Variants in SCHIP1 observed in about 807,000 individuals in gnomAD.
SCHIP1 encodes the protein schwannomin-interacting protein 1.
In SCHIP1, 8 loss-of-function variants were observed where a neutral mutation model predicts 29.7. The observed-to-expected ratio is 0.27, with a 90% CI of 0.16 to 0.49. The LOEUF (loss-of-function observed/expected upper bound fraction) is 0.49. Ranked by LOEUF, SCHIP1 falls within the 20% of genes least tolerant of loss-of-function variation. The pLI is 0.99. For synonymous variants in SCHIP1, 76 were observed against 94.9 expected (o/e 0.80, Z 1.16); for missense variants, 193 against 294.6 (o/e 0.66, Z 2.52).
chr3:159,888,091 A>G, intron 4 of SCHIP1, 186 bp downstream of exon 5: 1 of 814,956 alleles, frequency 1.2e-6, no homozygotes. Flanking sequence ...AAAATACAGA[A>G]GCAATAGATT....
At chr3:159,732,832 A>G in the SCHIP1 span, among the ~76,000 whole-genome samples, 40 of 152,370 alleles carry the variant, frequency 2.6e-4, no homozygotes, top group African/African-American at 8.9e-4. Flanking sequence ...AAGGCTTTCC[A>G]GGAGCTGGAG....
the SCHIP1 span, among the ~76,000 whole-genome samples, chr3:159,356,353 T>C: frequency 6.6e-6 from 1 of 152,204 alleles, no homozygotes; most frequent in Non-Finnish European, 1.5e-5. Context: ...GCCATGCCTA[T>C]CTGTCTTCTT....
the SCHIP1 span, among the ~76,000 whole-genome samples, chr3:159,320,613 T>A: frequency 2.0e-5 from 3 of 152,146 alleles, no homozygotes; most frequent in Non-Finnish European, 4.4e-5. Flanking sequence ...GTTCCTTTTT[T>A]TTTTCCCCCT....
the SCHIP1 span, among the ~76,000 whole-genome samples, chr3:159,639,316 G>T: frequency 6.6e-6 from 1 of 151,864 alleles, no homozygotes; most frequent in South Asian, 2.1e-4. Context: ...CCTTTTTCAC[G>T]TGCATGTGAG....
chr3:159,562,472 T>A, the SCHIP1 span, among the ~76,000 whole-genome samples: 1 of 152,184 alleles, frequency 6.6e-6, no homozygotes, highest in Non-Finnish European at 1.5e-5. Context: ...ACCTATCAGC[T>A]GAGTGTAGAA....
the SCHIP1 span, among the ~76,000 whole-genome samples, chr3:159,420,098 G>T: frequency 2.6e-5 from 4 of 152,182 alleles, no homozygotes. Context: ...GCCCTTGAGG[G>T]TCTTAAATAT....
At chr3:159,424,601 A>G in the SCHIP1 span, among the ~76,000 whole-genome samples, 1 of 152,252 alleles carries the variant, frequency 6.6e-6, no homozygotes, top group East Asian at 1.9e-4. Context: ...AACGGAACCA[A>G]GTTGGAAAAC....
chr3:159,453,047 C>T, the SCHIP1 span, among the ~76,000 whole-genome samples: 34 of 152,280 alleles, frequency 2.2e-4, no homozygotes, highest in African/African-American at 7.9e-4. Flanking sequence ...AAAAGTACAA[C>T]AATTACAACT....
the SCHIP1 span, among the ~76,000 whole-genome samples, chr3:159,532,312 T>C: frequency 1.3e-5 from 2 of 152,166 alleles, no homozygotes; most frequent in Admixed American, 1.3e-4. Flanking sequence ...ATTGGGGCCT[T>C]TTACTGCCAG....
chr3:159,698,639 A>AT, the SCHIP1 span, among the ~76,000 whole-genome samples: 2 of 151,486 alleles, frequency 1.3e-5, no homozygotes, highest in South Asian at 4.2e-4. Context: ...ATTTTTTTTT[A>AT]TTTTTTTATT....
At chr3:159,842,118 C>T (rs970803088) in intron 1 of SCHIP1, among the ~76,000 whole-genome samples, 7 of 152,020 alleles carry the variant, frequency 4.6e-5, no homozygotes, top group East Asian at 1.9e-4. Context: ...GAATGGCTTT[C>T]GGAAACTTCC....
At chr3:159,433,722 A>T in the SCHIP1 span, among the ~76,000 whole-genome samples, 1 of 152,184 alleles carries the variant, frequency 6.6e-6, no homozygotes, top group Non-Finnish European at 1.5e-5. Flanking sequence ...GCTGCAAAGG[A>T]CTGCTGTGAA....
intron 1 of SCHIP1, among the ~76,000 whole-genome samples, chr3:159,843,351 T>C (rs1744454458): frequency 6.6e-6 from 1 of 152,140 alleles, no homozygotes; most frequent in African/African-American, 2.4e-5. Flanking sequence ...TTTATATTTA[T>C]TTATCGCCAT....
chr3:159,453,285 C>A, the SCHIP1 span, among the ~76,000 whole-genome samples: 1 of 152,220 alleles, frequency 6.6e-6, no homozygotes, highest in East Asian at 1.9e-4. Flanking sequence ...GTTTTCTCAT[C>A]TGAAAACTGC....
the SCHIP1 span, among the ~76,000 whole-genome samples, chr3:159,769,984 A>G: frequency 1.3e-5 from 2 of 152,292 alleles, no homozygotes; most frequent in South Asian, 2.1e-4. Context: ...TAGGCAACCA[A>G]CTGATCTGAT....
the SCHIP1 span, among the ~76,000 whole-genome samples, chr3:159,408,158 C>A: frequency 6.6e-6 from 1 of 152,026 alleles, no homozygotes; most frequent in East Asian, 1.9e-4. Context: ...ATTAGCCGGG[C>A]ATGGTGGCAG....
At chr3:159,757,304 C>A in the SCHIP1 span, among the ~76,000 whole-genome samples, 3 of 152,162 alleles carry the variant, frequency 2.0e-5, no homozygotes, top group African/African-American at 7.2e-5. Context: ...TGGATGCCAG[C>A]AGGCAAAAAG....
chr3:159,858,169 C>A (rs1031095820), intron 1 of SCHIP1, among the ~76,000 whole-genome samples: 2 of 152,202 alleles, frequency 1.3e-5, no homozygotes, highest in Non-Finnish European at 2.9e-5. Context: ...AATAGAGTTG[C>A]CAGATAACAC....
At chr3:159,768,770 T>C in the SCHIP1 span, among the ~76,000 whole-genome samples, 1 of 152,172 alleles carries the variant, frequency 6.6e-6, no homozygotes, top group African/African-American at 2.4e-5. Flanking sequence ...CAGCACCTGG[T>C]CCAGCCCTCC....
Sources: gnomAD v4.1 joint callset for allele counts (sites outside exome capture counted in the v4.1 genomes callset) on GRCh38, gnomAD v4.1.1 for gene constraint, MANE v1.5 for transcripts, NCBI Gene and HGNC (gene_info 2026-07-23, HGNC 2026-07-21) for gene names.